EPB41L4A: variants seen among roughly 807,000 people sequenced by gnomAD.
The protein encoded by EPB41L4A is band 4.1-like protein 4A.
EPB41L4A carries 100 observed loss-of-function variants against 108.6 expected under a neutral mutation model. The observed-to-expected ratio is 0.92, with a 90% CI of 0.78 to 1.09. The LOEUF is 1.09. EPB41L4A is among the 50% of genes least tolerant of loss of function. The pLI, the probability that EPB41L4A is intolerant of heterozygous loss-of-function variation, is 0.00. For synonymous variants in EPB41L4A, 319 were observed against 289.0 expected, an observed-to-expected ratio of 1.10 and a Z score of -1.05; for missense variants, 1,030 against 842.7, an observed-to-expected ratio of 1.22 and a Z score of -2.75.
intron 1 of EPB41L4A, among the ~76,000 whole-genome samples, chr5:112,369,882 G>A (rs114255087): frequency 0.017 from 2,538 of 152,298 alleles, 30 homozygotes; most frequent in South Asian, 0.038. Context: ...AGCACTCCAA[G>A]GCACCAACCT....
intron 1 of EPB41L4A, among the ~76,000 whole-genome samples, chr5:112,376,821 T>A (rs1237300470): frequency 6.6e-6 from 1 of 152,020 alleles, no homozygotes; most frequent in Non-Finnish European, 1.5e-5. Context: ...TATGACATTC[T>A]TGAAATAAAA....
intron 1 of EPB41L4A, among the ~76,000 whole-genome samples, chr5:112,368,714 G>A (rs776550822): frequency 3.3e-5 from 5 of 151,984 alleles, no homozygotes; most frequent in African/African-American, 4.8e-5. Flanking sequence ...GCTGCATCTG[G>A]CATCATTGAC....
chr5:112,198,473 T>A (rs1038146427), intron 15 of EPB41L4A, among the ~76,000 whole-genome samples: 13 of 152,234 alleles, frequency 8.5e-5, no homozygotes, highest in African/African-American at 3.1e-4. Context: ...TTCGAATGAA[T>A]CTAACTTTTC....
chr5:112,210,488 T>A (rs1453497616), intron 12 of EPB41L4A, among the ~76,000 whole-genome samples: 1 of 152,118 alleles, frequency 6.6e-6, no homozygotes, highest in Non-Finnish European at 1.5e-5. Flanking sequence ...ATCACTCACA[T>A]ATAAAAAAAA....
intron 2 of EPB41L4A, among the ~76,000 whole-genome samples, chr5:112,304,259 G>A (rs1754552924): frequency 6.6e-6 from 1 of 152,142 alleles, no homozygotes; most frequent in South Asian, 2.1e-4. Flanking sequence ...TCCATATTCT[G>A]AGAAAAGCCC....
intron 12 of EPB41L4A, among the ~76,000 whole-genome samples, chr5:112,229,329 T>C (rs1206032400): frequency 6.6e-6 from 1 of 152,216 alleles, no homozygotes; most frequent in African/African-American, 2.4e-5. Flanking sequence ...GTCTAAAATA[T>C]TCATTATCTG....
intron 2 of EPB41L4A, among the ~76,000 whole-genome samples, chr5:112,304,087 T>A (rs947087375): frequency 2.0e-5 from 3 of 152,130 alleles, no homozygotes; most frequent in Non-Finnish European, 2.9e-5. Context: ...GGGAAGTTTC[T>A]GATTGCTTTT....
At chr5:112,219,753 T>C (rs1013196929) in intron 12 of EPB41L4A, among the ~76,000 whole-genome samples, 2 of 152,202 alleles carry the variant, frequency 1.3e-5, no homozygotes, top group African/African-American at 2.4e-5. Context: ...TGGAGTGCAA[T>C]AGAGCAATCT....
At chr5:112,292,588 C>A (rs772312828) in intron 2 of EPB41L4A, among the ~76,000 whole-genome samples, 52 of 152,098 alleles carry the variant, frequency 3.4e-4, no homozygotes, top group Non-Finnish European at 5.6e-4. Context: ...GATAGACAAA[C>A]TAGTCACTTA....
rs142876239 is a variant in EPB41L4A, at chr5:112,176,635, T to C, written c.1623-5643A>G. ...TACTCTCTTCATTTCACCACCACCATCTTTTCTGAGCTAAAAGCGTCTCAC... is the reference window on the plus strand; with the variant it reads ...TACTCTCTTCATTTCACCACCACCACCTTTTCTGAGCTAAAAGCGTCTCAC... On this transcript the variant is annotated intron_variant, in intron 18 of 22. Coordinates refer to ENST00000261486, the MANE Select transcript of EPB41L4A (RefSeq NM_022140.5). Among the ~76,000 whole-genome samples, 169 of 152,086 alleles carry C rather than the reference T, an allele frequency of 1.1e-3. 5 individuals are homozygous for C. In the East Asian group the frequency reaches 0.031, roughly 28 times the overall value.
intron 1 of EPB41L4A, among the ~76,000 whole-genome samples, chr5:112,346,004 AG>A (rs1303877624): frequency 6.6e-6 from 1 of 151,986 alleles, no homozygotes; most frequent in Non-Finnish European, 1.5e-5. Flanking sequence ...GACAAGGACA[AG>A]GCAGATCAAT....
At chr5:112,414,965 G>A (rs755726370) in intron 1 of EPB41L4A, among the ~76,000 whole-genome samples, 4 of 152,004 alleles carry the variant, frequency 2.6e-5, no homozygotes, top group South Asian at 4.1e-4. Context: ...TTCTACCTAC[G>A]TTTATATGGT....
At chr5:112,158,531 A>C (rs1358617557), downstream of EPB41L4A, 2 of 246,512 alleles carry the variant, frequency 8.1e-6, no homozygotes, top group Non-Finnish European at 1.7e-5. Flanking sequence ...CTCTCACTGC[A>C]TTAGTCCATT....
intron 1 of EPB41L4A, among the ~76,000 whole-genome samples, chr5:112,345,788 C>T (rs1434951889): frequency 6.1e-4 from 35 of 57,480 alleles, no homozygotes; most frequent in African/African-American, 1.6e-3. Context: ...TATACACACA[C>T]ACACACACAC....
chr5:112,352,382 T>C (rs905898764), intron 1 of EPB41L4A, among the ~76,000 whole-genome samples: 8 of 152,204 alleles, frequency 5.3e-5, no homozygotes, highest in Non-Finnish European at 8.8e-5. Context: ...CTCAGGAGCA[T>C]GTTCTTCAAT....
intron 15 of EPB41L4A, among the ~76,000 whole-genome samples, chr5:112,203,372 A>G (rs1281004679): frequency 6.6e-6 from 1 of 152,014 alleles, no homozygotes; most frequent in Non-Finnish European, 1.5e-5. Flanking sequence ...AAAAACAAAA[A>G]CCACAAAAAC....
rs1760141505 is a variant in EPB41L4A, at chr5:112,164,951, C to T, written c.*39G>A. 6.5e-7 allele frequency: 1 copy of T among 1,542,682 alleles called. No individual in the cohort carries two copies. The highest frequency in any genetic ancestry group is 1.4e-5 in the African/African-American group (1 of 70,922). On this transcript the variant is annotated 3_prime_UTR_variant, in exon 23 of 23. Transcript: ENST00000261486. ...CAGTTTCAAAAGTACCAGTGGCGCA[C>T]ACAACCTTCCCACCCCTACCCTTGA... is the stretch of plus-strand genomic sequence containing the variant.
At chr5:112,328,744 C>T (rs945696163) in intron 1 of EPB41L4A, among the ~76,000 whole-genome samples, 4 of 152,182 alleles carry the variant, frequency 2.6e-5, no homozygotes, top group African/African-American at 7.2e-5. Context: ...ACTCAAATAA[C>T]AAAGCTTCTA....
intron 2 of EPB41L4A, among the ~76,000 whole-genome samples, chr5:112,293,058 C>T (rs1561545572): frequency 2.0e-5 from 3 of 152,030 alleles, no homozygotes; most frequent in Non-Finnish European, 4.4e-5. Context: ...CCTAGCATAC[C>T]TACGTACCTG....
Sources: allele counts gnomAD v4.1 joint callset (sites outside exome capture counted in the v4.1 genomes callset), GRCh38; gene constraint gnomAD v4.1.1; transcripts MANE v1.5; gene names NCBI Gene and HGNC (gene_info 2026-07-23, HGNC 2026-07-21).